Variants in ZNF362 observed in about 807,000 individuals in gnomAD.
ZNF362 encodes the protein rotund homolog.
ZNF362 carries 11 observed loss-of-function variants against 42.9 expected under a neutral mutation model. The ratio of observed to expected loss-of-function variants is 0.26; its 90% confidence interval spans 0.16 to 0.42. The LOEUF (loss-of-function observed/expected upper bound fraction) is 0.42. ZNF362 is among the 20% of genes least tolerant of loss of function. The pLI is 1.00. For missense variants in ZNF362, 362 were observed against 576.2 expected (o/e 0.63, Z 3.81); for synonymous variants, 255 against 257.3 (o/e 0.99, Z 0.09).
chr1:33,248,878 C>T, the ZNF362 span, among the ~76,000 whole-genome samples: 4 of 152,230 alleles, frequency 2.6e-5, no homozygotes, highest in Non-Finnish European at 5.9e-5. Flanking sequence ...TTCTCAGGCT[C>T]TCCCATTTTA....
chr1:33,266,216 G>T lies in ZNF362; in HGVS notation c.-88-4271G>T, dbSNP rs1292622068. Among the ~76,000 whole-genome samples the T allele has an allele frequency of 6.6e-6, 1 of 152,158 alleles. No homozygotes were observed. The highest frequency in any genetic ancestry group is 1.5e-5 in the Non-Finnish European group (1 of 68,036). On this transcript the variant is annotated intron_variant, in intron 1 of 8. Transcript: ENST00000539719. The surrounding 1 kb of genome is among the most constrained non-coding windows in gnomAD (Gnocchi z 4.3). ...GGGAGTTAACAGTTTTCCAGCTTCTGCACATGCTGCCCTTCTGCCGCAGTG... is the reference window on the plus strand; with the variant it reads ...GGGAGTTAACAGTTTTCCAGCTTCTTCACATGCTGCCCTTCTGCCGCAGTG...
rs1162219153 is a variant in ZNF362 at position 33,299,015 on chromosome 1, C to G, written c.1232C>G (p.Pro411Arg). The change falls in exon 9 of 9, where the codon CCC becomes CGC. Residue 411 changes from proline to arginine, a missense_variant. This residue lies in a region of ZNF362 where 68 missense variants were observed against 107.4 expected (regional missense o/e 0.63). Coordinates refer to ENST00000539719, the MANE Select transcript of ZNF362 (RefSeq NM_152493.3). Reference sequence around the variant, plus strand: ...CACTCGCCCCAGAGGACGGAGTCCCCCGGCATCCCGGTGCGAATCTCTCTC... The same window carrying G: ...CACTCGCCCCAGAGGACGGAGTCCCGCGGCATCCCGGTGCGAATCTCTCTC... ...SHHSPQRTES[P>R]GIPVRISLI The G allele has an allele frequency of 6.2e-7, 1 of 1,611,628 alleles. No individual in the cohort carries two copies.
intron 1 of ZNF362, among the ~76,000 whole-genome samples, chr1:33,257,515 T>C (rs1267764334): frequency 6.6e-6 from 1 of 150,526 alleles, no homozygotes; most frequent in Non-Finnish European, 1.5e-5. Context: ...GCAGGATTTT[T>C]GGGAAAAGTT....
At chr1:33,136,937 C>T in the ZNF362 span, among the ~76,000 whole-genome samples, 1 of 150,972 alleles carries the variant, frequency 6.6e-6, no homozygotes. Flanking sequence ...GCAGAGGTTG[C>T]AGTGAGCTGA....
the ZNF362 span, among the ~76,000 whole-genome samples, chr1:33,202,371 C>T: frequency 1.3e-5 from 2 of 151,838 alleles, no homozygotes; most frequent in Non-Finnish European, 2.9e-5. Context: ...CGAGGGCGGG[C>T]GGATCACAAG....
At chr1:33,289,354 C>T (rs1332888823) in intron 6 of ZNF362, among the ~76,000 whole-genome samples, 1 of 152,044 alleles carries the variant, frequency 6.6e-6, no homozygotes, top group Non-Finnish European at 1.5e-5. Flanking sequence ...TGGACTCTGT[C>T]CTGGAAAAAG....
chr1:33,193,713 A>G, the ZNF362 span, among the ~76,000 whole-genome samples: 98 of 151,790 alleles, frequency 6.5e-4, no homozygotes, highest in Non-Finnish European at 1.3e-3. Context: ...AAGGGGGATT[A>G]TAGAACAAAT....
At chr1:33,250,852 G>GGAGGAAGAAGAA in the ZNF362 span, among the ~76,000 whole-genome samples, 6 of 137,594 alleles carry the variant, frequency 4.4e-5, no homozygotes, top group African/African-American at 1.6e-4. Context: ...GAAGAAAGAA[G>GGAGGAAGAAGAA]GAAGAAGAAG....
chr1:33,235,011 G>T, the ZNF362 span, among the ~76,000 whole-genome samples: 1 of 152,224 alleles, frequency 6.6e-6, no homozygotes, highest in East Asian at 1.9e-4. Flanking sequence ...CTGCAGTCCC[G>T]GGTCATAGAT....
At chr1:33,150,176 A>T in the ZNF362 span, among the ~76,000 whole-genome samples, 3 of 152,238 alleles carry the variant, frequency 2.0e-5, no homozygotes, top group Non-Finnish European at 4.4e-5. Flanking sequence ...CAAGACAGAG[A>T]TGAGGAAAAG....
chr1:33,144,430 G>A, the ZNF362 span, among the ~76,000 whole-genome samples: 2 of 152,186 alleles, frequency 1.3e-5, no homozygotes, highest in African/African-American at 2.4e-5. Flanking sequence ...GAGCCACTGC[G>A]CCCGGTGGCT....
rs766248905 is a variant in ZNF362 at position 33,270,624 on chromosome 1, G to A, written c.38+12G>A. 6.2e-7 allele frequency: 1 copy of A among 1,612,780 alleles called. No individual in the cohort carries two copies. The highest frequency in any genetic ancestry group is 8.5e-7 in the Non-Finnish European group (1 of 1,179,500). ...AAAGGACACTCTAGGTAAGGAGCCT[G>A]TGATTCCAGGTTGCACTCTGTCAAT... On this transcript the variant is annotated intron_variant, in intron 2 of 8. Transcript: ENST00000539719.
At chr1:33,144,301 C>A in the ZNF362 span, among the ~76,000 whole-genome samples, 1 of 152,276 alleles carries the variant, frequency 6.6e-6, no homozygotes, top group East Asian at 1.9e-4. Context: ...CCACACCCGG[C>A]TAATTTTGTA....
upstream of ZNF362, among the ~76,000 whole-genome samples, chr1:33,251,885 C>T (rs1645763478): frequency 2.6e-5 from 4 of 152,228 alleles, no homozygotes; most frequent in Admixed American, 1.3e-4. Context: ...CTGGGACAGA[C>T]AGTGGAAGAG....
chr1:33,156,539 C>T, the ZNF362 span, among the ~76,000 whole-genome samples: 2 of 152,210 alleles, frequency 1.3e-5, no homozygotes, highest in Admixed American at 6.5e-5. Context: ...TGCTCCTTCT[C>T]GGTCTCCTTG....
the ZNF362 span, among the ~76,000 whole-genome samples, chr1:33,235,109 G>T: frequency 6.6e-6 from 1 of 152,116 alleles, no homozygotes; most frequent in African/African-American, 2.4e-5. Flanking sequence ...GGAAATGTCT[G>T]TCTGTACCTT....
chr1:33,188,779 G>A, the ZNF362 span, among the ~76,000 whole-genome samples: 2 of 152,166 alleles, frequency 1.3e-5, no homozygotes, highest in African/African-American at 4.8e-5. Context: ...ATGCTCTGGG[G>A]CAGCTAAGGA....
the ZNF362 span, among the ~76,000 whole-genome samples, chr1:33,216,659 G>A: frequency 2.6e-5 from 4 of 150,990 alleles, no homozygotes; most frequent in East Asian, 7.8e-4. Context: ...GTCAAAGAAG[G>A]CTTCCTGGAG....
At position 33,299,248 on chromosome 1, in the gene ZNF362, T is replaced by C. The variant is rs1229070289; in HGVS notation, c.*202T>C. The C allele has an allele frequency of 3.7e-6, 2 of 533,964 alleles. No homozygotes were observed. Among genetic ancestry groups the C allele is most frequent in the East Asian group, 2.9e-5 (1 of 34,544 alleles). The allele number at this position is 533,964 out of a possible 1,614,324, so 33.1% of individuals were successfully genotyped here. On this transcript the variant is annotated 3_prime_UTR_variant, in exon 9 of 9. Transcript: ENST00000539719. ...GCCAACTGCAAGATTCTGGACTGTT[T>C]TGGTGGCATCCAAAGACGATCTCAG... is the stretch of plus-strand genomic sequence containing the variant.
Sources: gnomAD v4.1 joint callset for allele counts (sites outside exome capture counted in the v4.1 genomes callset) on GRCh38, gnomAD v4.1.1 for gene constraint, gnomAD v4.1.1 regional missense constraint, Gnocchi (gnomAD v3.1) non-coding constraint, MANE v1.5 for transcripts, NCBI Gene and HGNC (gene_info 2026-07-23, HGNC 2026-07-21) for gene names.